The following ENTREP2 variants were observed in gnomAD, a reference collection of about 807,000 sequenced individuals.
ENTREP2 encodes endosomal transmembrane epsin interactor 2.
the ENTREP2 span, among the ~76,000 whole-genome samples, chr15:29,546,892 A>G: frequency 9.2e-6 from 1 of 108,810 alleles, no homozygotes; most frequent in Admixed American, 8.3e-5. Flanking sequence ...ATCTCAAAAA[A>G]AAAAACAACA....
At chr15:29,507,924 G>C in the ENTREP2 span, among the ~76,000 whole-genome samples, 1 of 152,086 alleles carries the variant, frequency 6.6e-6, no homozygotes, top group Non-Finnish European at 1.5e-5. Context: ...GAAGGAGATA[G>C]AGACATGAAA....
At chr15:29,483,701 G>C in the ENTREP2 span, among the ~76,000 whole-genome samples, 4 of 152,158 alleles carry the variant, frequency 2.6e-5, no homozygotes, top group African/African-American at 9.7e-5. Flanking sequence ...TGTTGAAGTC[G>C]AGTATTGTTA....
the ENTREP2 span, among the ~76,000 whole-genome samples, chr15:29,227,694 A>T: frequency 6.6e-6 from 1 of 152,204 alleles, no homozygotes; most frequent in African/African-American, 2.4e-5. Context: ...GAGGGGCTGA[A>T]TACCTTCTGG....
chr15:29,610,617 T>C, the ENTREP2 span: 7 of 150,878 alleles, frequency 4.6e-5, no homozygotes, highest in East Asian at 1.4e-3. Context: ...TCAACAATGC[T>C]GTTATTCCCT....
the ENTREP2 span, among the ~76,000 whole-genome samples, chr15:29,131,584 A>AT: frequency 7.5e-6 from 1 of 132,758 alleles, no homozygotes. Flanking sequence ...CTTCACCTGC[A>AT]CCACCTCCCC....
At chr15:29,135,459 A>G in the ENTREP2 span, among the ~76,000 whole-genome samples, 1 of 152,088 alleles carries the variant, frequency 6.6e-6, no homozygotes, top group African/African-American at 2.4e-5. This position sits in a 1 kb window ranked among gnomAD's most constrained non-coding sequence, Gnocchi z 7.4. Context: ...GGGCCACGTG[A>G]CTTTTCCAGA....
At chr15:29,595,097 AT>A in the ENTREP2 span, among the ~76,000 whole-genome samples, 346 of 118,944 alleles carry the variant, frequency 2.9e-3, 12 homozygotes, top group Middle Eastern at 4.9e-3. Context: ...AAAAAAAAAA[AT>A]TTAAAATTAG....
chr15:29,651,495 C>A, the ENTREP2 span, among the ~76,000 whole-genome samples: 1 of 152,314 alleles, frequency 6.6e-6, no homozygotes, highest in East Asian at 1.9e-4. Context: ...TGGGCTGAAG[C>A]CCCGCCCTCC....
the ENTREP2 span, among the ~76,000 whole-genome samples, chr15:29,227,108 G>A: frequency 3.3e-5 from 5 of 152,326 alleles, no homozygotes; most frequent in Admixed American, 2.6e-4. Flanking sequence ...TGGGGATAGC[G>A]GCTTGGAGGA....
the ENTREP2 span, among the ~76,000 whole-genome samples, chr15:29,510,470 T>C: frequency 6.6e-6 from 1 of 152,170 alleles, no homozygotes; most frequent in Non-Finnish European, 1.5e-5. Flanking sequence ...TGCAGCACTA[T>C]TCACAATAGC....
chr15:29,180,468 C>G, the ENTREP2 span, among the ~76,000 whole-genome samples: 1 of 152,094 alleles, frequency 6.6e-6, no homozygotes, highest in Admixed American at 6.5e-5. Flanking sequence ...AGTTCAAGAC[C>G]AGCCTGACCA....
chr15:29,136,551 A>G, the ENTREP2 span: 6 of 1,531,948 alleles, frequency 3.9e-6, no homozygotes, highest in South Asian at 7.4e-5. Context: ...AGGAGGCAGA[A>G]GTGCTGACAG....
At chr15:29,656,989 CCA>C in the ENTREP2 span, among the ~76,000 whole-genome samples, 1 of 152,146 alleles carries the variant, frequency 6.6e-6, no homozygotes, top group Non-Finnish European at 1.5e-5. Flanking sequence ...TTGCTGCCGG[CCA>C]GGGTGTTCGT....
chr15:29,644,525 G>A, the ENTREP2 span, among the ~76,000 whole-genome samples: 3,473 of 152,236 alleles, frequency 0.023, 113 homozygotes, highest in African/African-American at 0.074. Context: ...AGTCCTGGCC[G>A]GGCGCGGTGG....
chr15:29,289,358 G>C, the ENTREP2 span, among the ~76,000 whole-genome samples: 315 of 152,210 alleles, frequency 2.1e-3, 2 homozygotes, highest in Non-Finnish European at 2.0e-3. Flanking sequence ...ACTGTAATGA[G>C]ACACCATGAC....
chr15:29,151,662 G>A, the ENTREP2 span: 6 of 1,238,572 alleles, frequency 4.8e-6, no homozygotes, highest in Non-Finnish European at 6.9e-6. Context: ...ACAGCATCTG[G>A]CTGAAGCCAG....
chr15:29,390,942 GA>G, the ENTREP2 span, among the ~76,000 whole-genome samples: 1 of 152,118 alleles, frequency 6.6e-6, no homozygotes, highest in Non-Finnish European at 1.5e-5. Context: ...ACTGTGTGTG[GA>G]AAGAATTGTT....
chr15:29,471,064 C>A, the ENTREP2 span, among the ~76,000 whole-genome samples: 346 of 152,296 alleles, frequency 2.3e-3, 1 homozygote, highest in African/African-American at 7.8e-3. Flanking sequence ...TTAAGCAGAG[C>A]TCAGCCCAAT....
At chr15:29,253,536 G>A in the ENTREP2 span, among the ~76,000 whole-genome samples, 3 of 149,454 alleles carry the variant, frequency 2.0e-5, no homozygotes, top group Admixed American at 6.8e-5. Context: ...TCTGCCTCCC[G>A]GGTTCAAGCG....
Sources: allele counts gnomAD v4.1 joint callset (sites outside exome capture counted in the v4.1 genomes callset), GRCh38; gene constraint gnomAD v4.1.1; non-coding constraint Gnocchi (gnomAD v3.1); transcripts MANE v1.5; gene names NCBI Gene and HGNC (gene_info 2026-07-23, HGNC 2026-07-21).